Variants in ELAPOR1 observed in about 807,000 individuals in gnomAD.
The protein encoded by ELAPOR1 is endosome-lysosome associated apoptosis and autophagy regulator 1, also known as endosome/lysosome-associated apoptosis and autophagy regulator 1.
In ELAPOR1, 77 loss-of-function variants were observed where a neutral mutation model predicts 119.7. The observed-to-expected ratio is 0.64, with a 90% CI of 0.54 to 0.78. The LOEUF is 0.78. Ranked by LOEUF, ELAPOR1 falls within the 30% of genes least tolerant of loss-of-function variation. ELAPOR1 has a pLI of 0.00. For synonymous variants in ELAPOR1, 481 were observed against 487.2 expected (o/e 0.99, Z 0.17); for missense variants, 1,115 against 1,270.4 (o/e 0.88, Z 1.86).
At chr1:109,190,594 A>G (rs1653370301) in intron 11 of ELAPOR1, among the ~76,000 whole-genome samples, 1 of 152,134 alleles carries the variant, frequency 6.6e-6, no homozygotes, top group South Asian at 2.1e-4. Context: ...TTCCCTTAAC[A>G]CACATTACTC....
chr1:109,150,558 C>A (rs970403578), intron 1 of ELAPOR1, among the ~76,000 whole-genome samples: 5 of 152,158 alleles, frequency 3.3e-5, no homozygotes, highest in Admixed American at 6.5e-5. Context: ...TGACTAAAGT[C>A]ACCCTTGACC....
chr1:109,117,766 G>A lies in ELAPOR1; in HGVS notation c.153+3430G>A, dbSNP rs532831056. Among the ~76,000 whole-genome samples the A allele has an allele frequency of 1.2e-3, 179 of 152,254 alleles. 1 individual carries two copies. Among genetic ancestry groups the A allele is most frequent in the African/African-American group, 4.0e-3 (167 of 41,538 alleles). On this transcript the variant is annotated intron_variant, in intron 1 of 21. Coordinates refer to ENST00000369939, the MANE Select transcript of ELAPOR1 (RefSeq NM_020775.5). ...ACACAGATAATGACGTATAAATGAC[G>A]TCATAAGATTAACATGTGGTAAACA... is the stretch of plus-strand genomic sequence containing the variant.
chr1:109,116,765 A>G (rs1032595115), intron 1 of ELAPOR1, among the ~76,000 whole-genome samples: 2 of 143,862 alleles, frequency 1.4e-5, no homozygotes, highest in Admixed American at 1.5e-4. Flanking sequence ...ATCTCGGCTC[A>G]CTGCAGCTTC....
At chr1:109,162,263 A>G (rs1480199069) in intron 2 of ELAPOR1, among the ~76,000 whole-genome samples, 1 of 152,250 alleles carries the variant, frequency 6.6e-6, no homozygotes, top group Non-Finnish European at 1.5e-5. Flanking sequence ...TGGATACAGC[A>G]TAAGCAATGC....
chr1:109,186,490 T>C lies in ELAPOR1; in HGVS notation c.1041+1357T>C, dbSNP rs186136210. On this transcript the variant is annotated intron_variant, in intron 8 of 21. Transcript: ENST00000369939. ...TAACTAAGCATGGGTTAAAGTCTGG[T>C]CCTTAACAATGAATATTTTGCACAG... 5,245 of 985,164 alleles carry C rather than the reference T, an allele frequency of 5.3e-3. 151 individuals are homozygous for C. In the African/African-American group the frequency reaches 0.064, roughly 12 times the overall value. The allele number at this position is 985,164 out of a possible 1,614,324, so 61.0% of individuals were successfully genotyped here.
At position 109,194,568 on chromosome 1, in the gene ELAPOR1, T is replaced by C; in HGVS notation, c.2095T>C (p.Phe699Leu). Residue 699 changes from phenylalanine to leucine, a missense_variant, in exon 15 of 22, where the codon TTT (phenylalanine) becomes CTT (leucine). Physicochemically the swap from Phe to Leu is conservative, Grantham distance 22 (BLOSUM62 0). Coordinates refer to ENST00000369939, the MANE Select transcript of ELAPOR1 (RefSeq NM_020775.5). ...CAAAGGGCTGAAATACTTCCATCAC[T>C]TTACCCTCAGTCTCTGTGGAAACCA... ...TSKGLKYFHH[F>L]TLSLCGNQGR... The C allele has an allele frequency of 1.9e-6, 3 of 1,613,858 alleles. No individual in the cohort carries two copies. Among genetic ancestry groups the C allele is most frequent in the Non-Finnish European group, 2.5e-6 (3 of 1,179,756 alleles).
At chr1:109,191,593 AGAC>A in intron 12 of ELAPOR1, 122 bp downstream of exon 12, 1 of 1,417,740 alleles carries the variant, frequency 7.1e-7, no homozygotes, top group Non-Finnish European at 9.8e-7. Flanking sequence ...GGAAAGGCCC[AGAC>A]TGACCAGCAG....
chr1:109,149,805 G>T (rs1253554841), intron 1 of ELAPOR1, among the ~76,000 whole-genome samples: 7 of 152,218 alleles, frequency 4.6e-5, no homozygotes, highest in Non-Finnish European at 2.9e-5. Flanking sequence ...AAAATTCAAA[G>T]TCATCCCAGA....
chr1:109,162,057 T>C, intron 2 of ELAPOR1, 43 bp downstream of exon 2: 1 of 1,579,530 alleles, frequency 6.3e-7, no homozygotes, highest in Non-Finnish European at 8.7e-7. Context: ...CACTCAGCTT[T>C]GGTCTCTCCC....
Position 109,200,128 on chromosome 1 carries a change from A to G in ELAPOR1, c.2698A>G (p.Thr900Ala), listed in dbSNP as rs1436626036. 1 of 1,614,204 alleles carries G rather than the reference A, an allele frequency of 6.2e-7. No individual in the cohort carries two copies. ...CATTTCTCTGCCTGAGCAGAGAGTC[A>G]CCATCTGCAAAACCATAGATTTCTG... is the stretch of plus-strand genomic sequence containing the variant. ...GGISLPEQRV[T>A]ICKTIDFWLK... The change falls in exon 20 of 22, where the codon ACC becomes GCC. Residue 900 changes from threonine to alanine, a missense_variant. Transcript: ENST00000369939.
chr1:109,192,294 G>A (rs1243284848), intron 13 of ELAPOR1, among the ~76,000 whole-genome samples: 1 of 152,138 alleles, frequency 6.6e-6, no homozygotes, highest in Admixed American at 6.5e-5. Context: ...CCTATACACT[G>A]TTTGTTTCTG....
At chr1:109,177,363 G>A (rs369548092) in intron 7 of ELAPOR1, among the ~76,000 whole-genome samples, 1 of 82,268 alleles carries the variant, frequency 1.2e-5, no homozygotes, top group Non-Finnish European at 2.3e-5. Context: ...GGGCGGAGGG[G>A]CTCCTCACTT....
At chr1:109,172,148 C>A in intron 4 of ELAPOR1, 135 bp downstream of exon 4, 2 of 1,127,862 alleles carry the variant, frequency 1.8e-6, no homozygotes, top group Non-Finnish European at 2.6e-6. Context: ...GAGCTGTGGG[C>A]AAAATGAGCT....
At chr1:109,199,319 C>T (rs1455628644) in intron 18 of ELAPOR1, among the ~76,000 whole-genome samples, 1 of 152,158 alleles carries the variant, frequency 6.6e-6, no homozygotes, top group Non-Finnish European at 1.5e-5. Context: ...GGATATGCTG[C>T]GCCTAAACTG....
intron 1 of ELAPOR1, among the ~76,000 whole-genome samples, chr1:109,116,310 G>T (rs1647992701): frequency 6.6e-6 from 1 of 152,198 alleles, no homozygotes; most frequent in South Asian, 2.1e-4. Flanking sequence ...TGTAGAATGG[G>T]TATCAAAATA....
intron 2 of ELAPOR1, among the ~76,000 whole-genome samples, chr1:109,162,572 A>G (rs17033735): frequency 0.026 from 3,891 of 152,334 alleles, 134 homozygotes; most frequent in African/African-American, 0.083. Flanking sequence ...TGCAGTCACA[A>G]CTTTTCTACA....
At chr1:109,189,329 C>A in intron 10 of ELAPOR1, 135 bp downstream of exon 10, 1 of 1,149,384 alleles carries the variant, frequency 8.7e-7, no homozygotes, top group Non-Finnish European at 1.2e-6. Context: ...GAAAGTTCCA[C>A]TCCTCATGGA....
Position 109,200,589 on chromosome 1 carries a change from C to G in ELAPOR1, c.2808-146C>G. ...CTGGGAACTAAGATTCCTTCTATTACCCCAGCCCTGACACCATTTTACCAT... is the reference window on the plus strand; with the variant it reads ...CTGGGAACTAAGATTCCTTCTATTAGCCCAGCCCTGACACCATTTTACCAT... On this transcript the variant is annotated intron_variant, in intron 20 of 21. Transcript: ENST00000369939. 4.1e-6 allele frequency: 3 copies of G among 728,972 alleles called. No individual in the cohort carries two copies. The South Asian group carries it at 5.7e-5, about 14-fold the overall frequency. The allele number at this position is 728,972 out of a possible 1,614,324, so 45.2% of individuals were successfully genotyped here. A position where few individuals can be genotyped will look rare whatever the true frequency, so the allele number is the denominator to read the frequency against.
chr1:109,126,829 C>A (rs1648811562), intron 1 of ELAPOR1, among the ~76,000 whole-genome samples: 1 of 152,136 alleles, frequency 6.6e-6, no homozygotes, highest in Non-Finnish European at 1.5e-5. Context: ...AGCTGACAGG[C>A]TTGGACAGCT....
Sources: gnomAD v4.1 joint callset for allele counts (sites outside exome capture counted in the v4.1 genomes callset) on GRCh38, gnomAD v4.1.1 for gene constraint, MANE v1.5 for transcripts, NCBI Gene and HGNC (gene_info 2026-07-23, HGNC 2026-07-21) for gene names.